Variants in CCDC14 observed in about 807,000 individuals in gnomAD.
The protein encoded by CCDC14 is coiled-coil domain-containing protein 14.
In CCDC14, 71 loss-of-function variants were observed where a neutral mutation model predicts 81.4. The observed-to-expected ratio is 0.87, with a 90% CI of 0.72 to 1.06. CCDC14 has a LOEUF of 1.06. Among genes scored for constraint, CCDC14 ranks in the 50% least tolerant of loss-of-function variants. CCDC14 has a pLI of 0.00. For synonymous variants in CCDC14, 332 were observed against 364.8 expected, an observed-to-expected ratio of 0.91 and a Z score of 1.03; for missense variants, 1,046 against 1,047.3, an observed-to-expected ratio of 1.00 and a Z score of 0.02.
In CCDC14 at chr3:123,949,015, A is replaced by T. The variant is rs752390881; in HGVS notation, c.470T>A (p.Ile157Lys). Residue 157 changes from isoleucine to lysine, a missense_variant, in exon 6 of 13, where the codon ATA becomes AAA. Transcript: ENST00000409697. Reference sequence around the variant, plus strand: ...GTGCTCACAGAGGGCTTGGTATATTATGGGTGAATACATTCTATAATGATC... The same window carrying T: ...GTGCTCACAGAGGGCTTGGTATATTTTGGGTGAATACATTCTATAATGATC... ...LQDHYRMYSP[I>K]IYQALCEHVQ... 18 of 1,613,836 alleles carry T rather than the reference A, an allele frequency of 1.1e-5. No individual in the cohort carries two copies. Among genetic ancestry groups the T allele is most frequent in the Non-Finnish European group, 1.5e-5 (18 of 1,179,800 alleles).
At chr3:123,930,620 A>AAG (rs2035637994) in intron 12 of CCDC14, among the ~76,000 whole-genome samples, 1 of 152,228 alleles carries the variant, frequency 6.6e-6, no homozygotes, top group Non-Finnish European at 1.5e-5. Flanking sequence ...ATAATGCTGA[A>AAG]AGAGGCTGAC....
rs1258267291 is a variant in CCDC14 at position 123,914,971 on chromosome 3, G to A, written c.2526C>T (p.Ser842=). ...AGACAGTATTGCCTTTCACTTGAAGGCTGTTGCTAAGACAACCTGATGGGC... is the reference window on the plus strand; with the variant it reads ...AGACAGTATTGCCTTTCACTTGAAGACTGTTGCTAAGACAACCTGATGGGC... ...CHGPSGCLSN[S]LQVKGNTVCD... is the part of the protein sequence containing the mutation. The change falls in exon 13 of 13, where the codon AGC becomes AGT. Residue 842 remains serine (S), a synonymous_variant. Transcript: ENST00000409697. 1.9e-6 allele frequency: 3 copies of A among 1,614,004 alleles called. No individual in the cohort carries two copies. Among genetic ancestry groups the A allele is most frequent in the South Asian group, 2.2e-5 (2 of 91,070 alleles).
intron 9 of CCDC14, among the ~76,000 whole-genome samples, chr3:123,935,894 C>T (rs567389805): frequency 6.6e-6 from 1 of 152,096 alleles, no homozygotes; most frequent in Non-Finnish European, 1.5e-5. Flanking sequence ...GGTTTGGGGA[C>T]AAACACAGTC....
downstream of CCDC14, among the ~76,000 whole-genome samples, chr3:123,911,266 T>C (rs896711369): frequency 1.3e-5 from 2 of 152,334 alleles, no homozygotes; most frequent in South Asian, 4.2e-4. Context: ...ACAACAGCTT[T>C]AAATAAAATA....
At chr3:123,908,372 C>T (rs183296976) in intron 5 of CCDC14, among the ~76,000 whole-genome samples, 15 of 152,236 alleles carry the variant, frequency 9.9e-5, no homozygotes, top group Admixed American at 2.6e-4. Flanking sequence ...TCTTTAAATG[C>T]TCAGTATGTA....
chr3:123,931,625 A>C, intron 10 of CCDC14, 99 bp from the exon 11 acceptor site: 1 of 645,492 alleles, frequency 1.5e-6, no homozygotes, highest in Non-Finnish European at 2.6e-6. Flanking sequence ...AAGGCCTGAA[A>C]TTTATTGATT....
chr3:123,925,327 T>C (rs2035300353), intron 12 of CCDC14, among the ~76,000 whole-genome samples: 1 of 152,064 alleles, frequency 6.6e-6, no homozygotes, highest in Non-Finnish European at 1.5e-5. Context: ...AGACTGGGGT[T>C]GTGGTGGATG....
intron 12 of CCDC14, among the ~76,000 whole-genome samples, chr3:123,921,046 C>T (rs767233221): frequency 1.6e-4 from 24 of 152,006 alleles, no homozygotes; most frequent in African/African-American, 5.6e-4. Flanking sequence ...CAAAAACCTA[C>T]AGAATTTGCA....
Position 123,914,188 on chromosome 3 carries a change from A to G in CCDC14, c.*591T>C, listed in dbSNP as rs1188931389. 1 of 984,834 alleles carries G rather than the reference A, an allele frequency of 1.0e-6. No homozygotes were observed. The highest frequency in any genetic ancestry group is 1.2e-6 in the Non-Finnish European group (1 of 829,012). 61.0% of individuals were successfully genotyped at this position (984,834 alleles called of 1,614,324 possible). Reference sequence around the variant, plus strand: ...AAACAAATAAAAGTGCCCAAGTTTTAAGAAGCCATATGTTAACTTAGGATG... The same window carrying G: ...AAACAAATAAAAGTGCCCAAGTTTTGAGAAGCCATATGTTAACTTAGGATG... On this transcript the variant is annotated 3_prime_UTR_variant, in exon 13 of 13. Coordinates refer to ENST00000409697, the MANE Select transcript of CCDC14 (RefSeq NM_001366335.1).
At chr3:123,893,663 C>T (rs2034020858), downstream of CCDC14, among the ~76,000 whole-genome samples, 1 of 152,052 alleles carries the variant, frequency 6.6e-6, no homozygotes, top group Non-Finnish European at 1.5e-5. Context: ...GTTTCGATGG[C>T]TGTACCATTT....
intron 5 of CCDC14, among the ~76,000 whole-genome samples, chr3:123,899,945 C>T (rs115796013): frequency 6.9e-4 from 105 of 152,234 alleles, no homozygotes; most frequent in African/African-American, 2.5e-3. Flanking sequence ...TGAAACTGAC[C>T]GAACCTCACC....
At chr3:123,930,243 A>G (rs1286570364) in intron 12 of CCDC14, among the ~76,000 whole-genome samples, 1 of 152,194 alleles carries the variant, frequency 6.6e-6, no homozygotes. Flanking sequence ...TTACTGTTTC[A>G]TTTGCTTCCC....
the CCDC14 span, among the ~76,000 whole-genome samples, chr3:123,886,830 T>A: frequency 6.6e-6 from 1 of 152,212 alleles, no homozygotes; most frequent in African/African-American, 2.4e-5. Flanking sequence ...CATTTTTTTA[T>A]ATTCTAGAGA....
At chr3:123,908,208 A>G (rs1184313480) in intron 5 of CCDC14, among the ~76,000 whole-genome samples, 1 of 152,174 alleles carries the variant, frequency 6.6e-6, no homozygotes, top group Non-Finnish European at 1.5e-5. Context: ...TGGTAGGAGG[A>G]CATACCAAAG....
chr3:123,928,843 GCT>G (rs1362335610), intron 12 of CCDC14, among the ~76,000 whole-genome samples: 1 of 152,132 alleles, frequency 6.6e-6, no homozygotes, highest in Non-Finnish European at 1.5e-5. Flanking sequence ...TCTAGTCCCA[GCT>G]CTGTTATTAA....
downstream of CCDC14, among the ~76,000 whole-genome samples, chr3:123,894,101 T>C (rs1396861948): frequency 1.3e-5 from 2 of 152,238 alleles, no homozygotes; most frequent in Non-Finnish European, 2.9e-5. Context: ...ACAGTTTAGC[T>C]CTTAAATTTA....
intron 5 of CCDC14, among the ~76,000 whole-genome samples, chr3:123,901,919 G>A (rs915657832): frequency 6.6e-6 from 1 of 152,020 alleles, no homozygotes; most frequent in Non-Finnish European, 1.5e-5. Context: ...TATGATTCAA[G>A]TTCACTAGAA....
At chr3:123,942,279 AAG>A (rs1482453325) in intron 9 of CCDC14, among the ~76,000 whole-genome samples, 1 of 152,102 alleles carries the variant, frequency 6.6e-6, no homozygotes, top group Non-Finnish European at 1.5e-5. Flanking sequence ...TGAAGATATA[AAG>A]AGGTGACACA....
chr3:123,930,466 T>C (rs2035628985), intron 12 of CCDC14, among the ~76,000 whole-genome samples: 1 of 152,228 alleles, frequency 6.6e-6, no homozygotes, highest in South Asian at 2.1e-4. Context: ...AATCCAATTC[T>C]TAGCAAATAT....
Sources: gnomAD v4.1 joint callset for allele counts (sites outside exome capture counted in the v4.1 genomes callset) on GRCh38, gnomAD v4.1.1 for gene constraint, MANE v1.5 for transcripts, NCBI Gene and HGNC (gene_info 2026-07-23, HGNC 2026-07-21) for gene names.